Variants in DOCK2 observed in about 807,000 individuals in gnomAD.
DOCK2 encodes dedicator of cytokinesis 2, also known as dedicator of cytokinesis protein 2.
DOCK2 carries 87 observed loss-of-function variants against 248.9 expected under a neutral mutation model. The ratio of observed to expected loss-of-function variants is 0.35; its 90% CI spans 0.29 to 0.42. The LOEUF (loss-of-function observed/expected upper bound fraction) is 0.42, where lower values mean the gene tolerates loss of function less well. Among genes scored for constraint, DOCK2 ranks in the 10% least tolerant of loss-of-function variants. The probability of loss-of-function intolerance (pLI) is 1.00; values close to 1 mark genes in which losing one functional copy is unlikely to be tolerated. For missense variants in DOCK2, 1,747 were observed against 2,300.2 expected (o/e 0.76, Z 4.92); for synonymous variants, 805 against 821.6 (o/e 0.98, Z 0.35).
intron 44 of DOCK2, among the ~76,000 whole-genome samples, chr5:170,063,418 T>A (rs1334847986): frequency 1.3e-5 from 2 of 152,102 alleles, no homozygotes; most frequent in Admixed American, 6.5e-5. Context: ...AGGGGTTACA[T>A]CCCCTTGGAG....
chr5:169,691,795 G>C (rs1249702687), intron 9 of DOCK2, among the ~76,000 whole-genome samples: 1 of 151,578 alleles, frequency 6.6e-6, no homozygotes, highest in Non-Finnish European at 1.5e-5. Context: ...CTGGCATGTG[G>C]GTCCAGCTGA....
At chr5:169,842,793 T>C (rs1770062512) in intron 27 of DOCK2, among the ~76,000 whole-genome samples, 1 of 152,196 alleles carries the variant, frequency 6.6e-6, no homozygotes, top group Non-Finnish European at 1.5e-5. Flanking sequence ...TTGCTTTCTA[T>C]CTGGTAGAGT....
At chr5:169,756,826 G>A (rs1237475444) in intron 23 of DOCK2, among the ~76,000 whole-genome samples, 2 of 152,002 alleles carry the variant, frequency 1.3e-5, no homozygotes, top group African/African-American at 4.8e-5. Flanking sequence ...TCAGGAGGCT[G>A]AGGCAGGAGA....
intron 27 of DOCK2, among the ~76,000 whole-genome samples, chr5:169,948,508 C>T (rs369460241): frequency 6.6e-6 from 1 of 152,052 alleles, no homozygotes; most frequent in Non-Finnish European, 1.5e-5. Context: ...TATCATCTAC[C>T]TACACACACA....
intron 6 of DOCK2, among the ~76,000 whole-genome samples, chr5:169,676,751 G>A (rs141969552): frequency 1.3e-5 from 2 of 152,160 alleles, no homozygotes; most frequent in African/African-American, 4.8e-5. Context: ...GAACCTTGGA[G>A]GAGTGATCAG....
At chr5:169,981,962 C>A (rs2113784153) in intron 27 of DOCK2, among the ~76,000 whole-genome samples, 1 of 151,982 alleles carries the variant, frequency 6.6e-6, no homozygotes, top group East Asian at 1.9e-4. Flanking sequence ...TGGAACCAAA[C>A]CCATAATATC....
At position 169,695,914 on chromosome 5, in the gene DOCK2, C is replaced by T. The variant is rs1328166480; in HGVS notation, c.955C>T (p.Leu319=). ...TGGTGCAAAGAAGTGCACGCAGGGA[C>T]TGAGGAGGCCCTTTGGGGTGGCAGG... ...DTGAKKCTQG[L]RRPFGVAVMD... is the part of the protein sequence containing the mutation. Residue 319 remains leucine, a synonymous_variant, in exon 10 of 52, where the codon CTG becomes TTG. Coordinates refer to ENST00000520908, the MANE Select transcript of DOCK2 (RefSeq NM_004946.3). 1.2e-6 allele frequency: 2 copies of T among 1,609,646 alleles called. No individual in the cohort carries two copies. Among genetic ancestry groups the T allele is most frequent in the Non-Finnish European group, 1.7e-6 (2 of 1,177,924 alleles).
chr5:169,708,084 G>T, intron 14 of DOCK2, 85 bp from the exon 15 acceptor site: 2 of 1,444,028 alleles, frequency 1.4e-6, no homozygotes, highest in South Asian at 1.2e-5. Context: ...CCTAAGGCTG[G>T]TCGTGGCCTA....
chr5:169,808,983 A>G (rs1314123831), intron 26 of DOCK2, among the ~76,000 whole-genome samples: 1 of 143,432 alleles, frequency 7.0e-6, no homozygotes, highest in Non-Finnish European at 1.5e-5. Context: ...TGAATGGTTT[A>G]AGGGTTCTGA....
At chr5:169,957,650 C>T (rs538953701) in intron 27 of DOCK2, among the ~76,000 whole-genome samples, 12 of 152,258 alleles carry the variant, frequency 7.9e-5, no homozygotes, top group African/African-American at 2.2e-4. Flanking sequence ...AGAGGCAATG[C>T]GCGAGGAAGC....
chr5:169,993,549 T>TTGTGTGTGTGTGTG (rs10626609), intron 29 of DOCK2, among the ~76,000 whole-genome samples: 9,628 of 149,360 alleles, frequency 0.064, 402 homozygotes, highest in South Asian at 0.16. Context: ...TCACATCCAT[T>TTGTGTGTGTGTGTG]TGTGTGTGTG....
At chr5:169,846,928 A>T (rs1301860198) in intron 27 of DOCK2, among the ~76,000 whole-genome samples, 2 of 151,662 alleles carry the variant, frequency 1.3e-5, no homozygotes, top group East Asian at 3.9e-4. Flanking sequence ...CTTAGCTCCC[A>T]CTTATAAGTA....
chr5:169,906,676 A>C (rs1040684659), intron 27 of DOCK2, among the ~76,000 whole-genome samples: 1 of 152,132 alleles, frequency 6.6e-6, no homozygotes, highest in Non-Finnish European at 1.5e-5. Flanking sequence ...TGAAAGTCAC[A>C]TACCTGAGCT....
intron 27 of DOCK2, among the ~76,000 whole-genome samples, chr5:169,914,109 G>A (rs143301643): frequency 3.9e-4 from 59 of 152,200 alleles, no homozygotes; most frequent in African/African-American, 1.2e-3. Context: ...CCCTCAGAAC[G>A]CCTTTTGTAT....
chr5:170,041,222 GAAAAA>G (rs562344080), intron 37 of DOCK2, 77 bp downstream of exon 37: 1 of 1,282,556 alleles, frequency 7.8e-7, no homozygotes, highest in Non-Finnish European at 1.1e-6. Context: ...AGTGAAAAAA[GAAAAA>G]AAAGAAAAAG....
rs570319482 is a variant in DOCK2 at position 169,950,223 on chromosome 5, G to A, written c.2800-32845G>A. ...GCCAGCCTGTCAGATTCAAACCCCAGCTCTAGCTCCATGCCCCTAGAGAAA... is the reference window on the plus strand; with the variant it reads ...GCCAGCCTGTCAGATTCAAACCCCAACTCTAGCTCCATGCCCCTAGAGAAA... On this transcript the variant is annotated intron_variant, in intron 27 of 51. Transcript: ENST00000520908. 3.3e-5 allele frequency among the ~76,000 whole-genome samples: 5 copies of A among 152,298 alleles called. No individual in the cohort carries two copies. The East Asian group carries it at 9.6e-4, about 29-fold the overall frequency.
intron 2 of DOCK2, among the ~76,000 whole-genome samples, chr5:169,656,502 G>A (rs1021956342): frequency 6.6e-6 from 1 of 152,046 alleles, no homozygotes; most frequent in African/African-American, 2.4e-5. Flanking sequence ...CAATAGAGAC[G>A]GGGTTTCGCC....
At chr5:170,004,877 T>C (rs1754964312) in intron 30 of DOCK2, among the ~76,000 whole-genome samples, 1 of 140,496 alleles carries the variant, frequency 7.1e-6, no homozygotes, top group South Asian at 2.4e-4. Flanking sequence ...TGAGATCACA[T>C]GGACACAGGA....
intron 27 of DOCK2, among the ~76,000 whole-genome samples, chr5:169,903,421 GAT>G (rs1774067906): frequency 6.6e-6 from 1 of 151,592 alleles, no homozygotes; most frequent in Non-Finnish European, 1.5e-5. Context: ...ATGCATCCCT[GAT>G]ATGTTTCTGT....
Sources: allele counts gnomAD v4.1 joint callset (sites outside exome capture counted in the v4.1 genomes callset), GRCh38; gene constraint gnomAD v4.1.1; transcripts MANE v1.5; gene names NCBI Gene and HGNC (gene_info 2026-07-23, HGNC 2026-07-21).